The following ZNF254 variants were observed in gnomAD, a reference collection of about 807,000 sequenced individuals.
The protein encoded by ZNF254 is CTD-2017D11.1.
In ZNF254, 10 loss-of-function variants were observed where a neutral mutation model predicts 12.4. That is an observed-to-expected ratio of 0.80 (90% confidence interval 0.50 to 1.36). The LOEUF (loss-of-function observed/expected upper bound fraction) is 1.36. Ranked by LOEUF, ZNF254 falls within the 40% of genes most tolerant of loss-of-function variation. ZNF254 has a pLI of 0.00. For missense variants in ZNF254, 996 were observed against 763.9 expected, an observed-to-expected ratio of 1.30 and a Z score of -3.58; for synonymous variants, 305 against 253.4, an observed-to-expected ratio of 1.20 and a Z score of -1.93.
intron 2 of ZNF254, among the ~76,000 whole-genome samples, chr19:24,076,571 A>G (rs1026657402): frequency 7.2e-5 from 11 of 152,136 alleles, no homozygotes; most frequent in Admixed American, 5.2e-4. Context: ...TCACCTCAAC[A>G]CTATTCAAGA....
rs398034320 is a variant in ZNF254 at position 24,048,003 on chromosome 19, C to CTTTTTTTTTTTTTTTTTTTT, written c.-94+1728_-94+1747dup. Among the ~76,000 whole-genome samples the CTTTTTTTTTTTTTTTTTTTT allele has an allele frequency of 1.4e-3, 99 of 68,814 alleles. 5 individuals are homozygous for CTTTTTTTTTTTTTTTTTTTT. The highest frequency in any genetic ancestry group is 1.8e-3 in the Non-Finnish European group (72 of 39,910). 45.1% of individuals were successfully genotyped at this position (68,814 alleles called of 152,430 possible). On this transcript the variant is annotated intron_variant, in intron 2 of 4. Transcript: ENST00000613065. ...CACCCGGCTCTTTTTTTCTTTTCTT[C>CTTTTTTTTTTTTTTTTTTTT]TTTTTTTTTTTTTTTTTTTTTTTGC...
At chr19:24,092,866 G>C (rs1972473559) in intron 1 of ZNF254, among the ~76,000 whole-genome samples, 1 of 152,170 alleles carries the variant, frequency 6.6e-6, no homozygotes, top group African/African-American at 2.4e-5. Flanking sequence ...TCTGTTTTTA[G>C]TTCTGTGAGA....
At chr19:24,049,918 A>G (rs1323349594) in intron 2 of ZNF254, among the ~76,000 whole-genome samples, 1 of 151,770 alleles carries the variant, frequency 6.6e-6, no homozygotes, top group East Asian at 2.0e-4. Context: ...CCTAGCTAAC[A>G]TGACTTTTCT....
chr19:24,117,588 G>A (rs1031779916), intron 3 of ZNF254, among the ~76,000 whole-genome samples: 2 of 152,124 alleles, frequency 1.3e-5, no homozygotes, highest in African/African-American at 2.4e-5. Flanking sequence ...CTTTCCAGAT[G>A]CCGTCTGTCA....
chr19:24,122,121 A>G (rs1842062956), intron 3 of ZNF254, among the ~76,000 whole-genome samples: 1 of 152,222 alleles, frequency 6.6e-6, no homozygotes, highest in Non-Finnish European at 1.5e-5. Flanking sequence ...TTAAATATTC[A>G]GTTAAGTCAC....
intron 3 of ZNF254, among the ~76,000 whole-genome samples, chr19:24,116,672 A>C (rs1568467652): frequency 2.6e-5 from 4 of 152,094 alleles, no homozygotes. Context: ...TAGTTTGATC[A>C]TCTGAAGGCT....
At position 24,047,636 on chromosome 19, in the gene ZNF254, G is replaced by C. The variant is rs540367692; in HGVS notation, c.-94+1357G>C. 2.6e-3 allele frequency among the ~76,000 whole-genome samples: 254 copies of C among 98,608 alleles called. 1 individual carries two copies. Among genetic ancestry groups the C allele is most frequent in the African/African-American group, 9.9e-3 (249 of 25,146 alleles). The allele number at this position is 98,608 out of a possible 152,430, so 64.7% of individuals were successfully genotyped here. A position where few individuals can be genotyped will look rare whatever the true frequency, so the allele number is the denominator to read the frequency against. On this transcript the variant is annotated intron_variant, in intron 2 of 4. Transcript: ENST00000613065. ...TTTTTGCTCTCTCTCTTGCTTGCTTGCTTCTTTCCTTCATTTCTTTCTTTA... is the reference window on the plus strand; with the variant it reads ...TTTTTGCTCTCTCTCTTGCTTGCTTCCTTCTTTCCTTCATTTCTTTCTTTA...
At chr19:24,062,161 A>T (rs570262189) in intron 2 of ZNF254, among the ~76,000 whole-genome samples, 2 of 152,186 alleles carry the variant, frequency 1.3e-5, no homozygotes, top group African/African-American at 2.4e-5. Context: ...ATAGAGAATT[A>T]CCACTCTCTT....
In ZNF254 at chr19:24,127,566, A is replaced by T. The variant is rs1250453682; in HGVS notation, c.1566A>T (p.Glu522Asp). The change falls in exon 4 of 4, where the codon GAA (glutamate) becomes GAT (aspartate). Residue 522 changes from glutamate to aspartate, a missense_variant. By Grantham distance (45) the Glu-to-Asp change is conservative. Coordinates refer to ENST00000357002, the MANE Select transcript of ZNF254 (RefSeq NM_203282.4). ...GAGAGAAACCCTACAAATGTGAAGAATGTGGCAAAGCCTTTAACTGGTCCT... is the reference window on the plus strand; with the variant it reads ...GAGAGAAACCCTACAAATGTGAAGATTGTGGCAAAGCCTTTAACTGGTCCT... ...HTGEKPYKCE[E>D]CGKAFNWSST... The T allele has an allele frequency of 1.2e-6, 2 of 1,613,574 alleles. No homozygotes were observed. Among genetic ancestry groups the T allele is most frequent in the East Asian group, 4.5e-5 (2 of 44,838 alleles).
intron 1 of ZNF254, among the ~76,000 whole-genome samples, chr19:24,041,200 C>A (rs1970139760): frequency 1.3e-5 from 2 of 152,258 alleles, no homozygotes; most frequent in Admixed American, 6.5e-5. Context: ...CCTGCCTGGG[C>A]TCCCACTTTG....
At chr19:24,096,691 G>C (rs924235676) in intron 1 of ZNF254, among the ~76,000 whole-genome samples, 1 of 152,162 alleles carries the variant, frequency 6.6e-6, no homozygotes, top group African/African-American at 2.4e-5. Flanking sequence ...GTCAAGTGTA[G>C]ACTTTAGGTC....
chr19:24,114,975 T>A (rs1236313207), intron 3 of ZNF254, among the ~76,000 whole-genome samples: 5 of 152,374 alleles, frequency 3.3e-5, no homozygotes, highest in Non-Finnish European at 2.9e-5. Context: ...CCACAGTGAG[T>A]TACCATTTCA....
chr19:24,085,198 C>T (rs1316539674), upstream of ZNF254, among the ~76,000 whole-genome samples: 1 of 151,454 alleles, frequency 6.6e-6, no homozygotes. Context: ...TCCCAAAGTG[C>T]TGGGACTACA....
intron 3 of ZNF254, among the ~76,000 whole-genome samples, chr19:24,123,828 G>A (rs1298686472): frequency 6.6e-6 from 1 of 152,038 alleles, no homozygotes; most frequent in African/African-American, 2.4e-5. Flanking sequence ...TGCATGGAAT[G>A]TCTACTTTCT....
chr19:24,037,582 C>T (rs1364647564), intron 1 of ZNF254, among the ~76,000 whole-genome samples: 2 of 151,632 alleles, frequency 1.3e-5, no homozygotes, highest in Admixed American at 6.6e-5. Context: ...AACAGGCGTG[C>T]ACTACAATGC....
rs1327164472 is a variant in ZNF254 at position 24,129,276 on chromosome 19, C to T, written c.*1296C>T. On this transcript the variant is annotated 3_prime_UTR_variant, in exon 4 of 4. Coordinates refer to ENST00000357002, the MANE Select transcript of ZNF254 (RefSeq NM_203282.4). ...GTACTTCTATGAAATAATATGCAGT[C>T]TATTTTTAAATTATAAATTATGTGT... 2.0e-5 allele frequency: 3 copies of T among 151,936 alleles called. No individual in the cohort carries two copies. Among genetic ancestry groups the T allele is most frequent in the African/African-American group, 7.2e-5 (3 of 41,402 alleles). 9.4% of individuals were successfully genotyped at this position (151,936 alleles called of 1,614,324 possible).
At chr19:24,077,528 G>A (rs1455385901) in intron 2 of ZNF254, among the ~76,000 whole-genome samples, 1 of 152,252 alleles carries the variant, frequency 6.6e-6, no homozygotes, top group Admixed American at 6.5e-5. Context: ...ATGGACAGGT[G>A]TGTACCTGAG....
intron 3 of ZNF254, among the ~76,000 whole-genome samples, chr19:24,111,564 C>G (rs1170980343): frequency 1.3e-5 from 2 of 152,222 alleles, no homozygotes; most frequent in Non-Finnish European, 2.9e-5. Flanking sequence ...TTGACAGTCC[C>G]ACCAACAGTG....
chr19:24,074,965 C>T (rs1251832784), intron 2 of ZNF254, among the ~76,000 whole-genome samples: 6 of 152,226 alleles, frequency 3.9e-5, no homozygotes, highest in African/African-American at 1.4e-4. Context: ...TCTTCTATGG[C>T]TTGGGCTCTG....
Sources: allele counts gnomAD v4.1 joint callset (sites outside exome capture counted in the v4.1 genomes callset), GRCh38; gene constraint gnomAD v4.1.1; transcripts MANE v1.5; gene names NCBI Gene and HGNC (gene_info 2026-07-23, HGNC 2026-07-21).